Variants in GPD2 observed in about 807,000 individuals in gnomAD.
GPD2 encodes the protein glycerol-3-phosphate dehydrogenase, mitochondrial.
Under a neutral mutation model 82.4 loss-of-function variants are expected in GPD2, and 54 were observed. The ratio of observed to expected loss-of-function variants is 0.66; its 90% CI spans 0.53 to 0.82. GPD2 has a LOEUF of 0.82. GPD2 is among the 40% of genes least tolerant of loss of function. The probability of loss-of-function intolerance (pLI) is 0.00; values close to 1 mark genes in which losing one functional copy is unlikely to be tolerated. For missense variants in GPD2, 748 were observed against 896.2 expected (o/e 0.83, Z 2.11); for synonymous variants, 288 against 306.1 (o/e 0.94, Z 0.62).
the GPD2 span, among the ~76,000 whole-genome samples, chr2:156,426,222 C>T: frequency 6.6e-6 from 1 of 152,204 alleles, no homozygotes; most frequent in East Asian, 1.9e-4. Context: ...CACGCCCGGC[C>T]AAGTCTGGGT....
intron 1 of GPD2, among the ~76,000 whole-genome samples, chr2:156,443,912 G>A (rs1327961621): frequency 2.6e-5 from 4 of 152,314 alleles, no homozygotes; most frequent in South Asian, 2.1e-4. Context: ...TATCAAAGGC[G>A]TTGGATTCTA....
At chr2:156,441,523 C>A (rs546927646) in intron 1 of GPD2, among the ~76,000 whole-genome samples, 1 of 152,102 alleles carries the variant, frequency 6.6e-6, no homozygotes, top group Admixed American at 6.5e-5. Flanking sequence ...AGTGCCACTA[C>A]GCTCCAGCCT....
In GPD2 at chr2:156,585,322, C is replaced by A. The variant is rs1688175536; in HGVS notation, c.*2404C>A. The stretch of plus-strand genomic sequence containing the variant: ...CATATAAACTTGACATCAGTTGATT[C>A]TGTTGGGGTCGGGGTGGGTATGCAG... On this transcript the variant is annotated 3_prime_UTR_variant, in exon 17 of 17. Coordinates refer to ENST00000438166, the MANE Select transcript of GPD2 (RefSeq NM_000408.5). 6.6e-6 allele frequency: 1 copy of A among 152,152 alleles called. No individual in the cohort carries two copies. The highest frequency in any genetic ancestry group is 2.4e-5 in the African/African-American group (1 of 41,328). The allele number at this position is 152,152 out of a possible 1,614,324, so 9.4% of individuals were successfully genotyped here.
chr2:156,531,616 C>T (rs1372929121), intron 6 of GPD2, among the ~76,000 whole-genome samples: 1 of 152,224 alleles, frequency 6.6e-6, no homozygotes, highest in Non-Finnish European at 1.5e-5. Context: ...GTGGAGGCCA[C>T]GAGTGGCCCA....
upstream of GPD2, among the ~76,000 whole-genome samples, chr2:156,432,733 A>C (rs1688331604): frequency 6.6e-6 from 1 of 152,160 alleles, no homozygotes; most frequent in Non-Finnish European, 1.5e-5. Flanking sequence ...TTTCCTATTT[A>C]TTTTATTCAA....
chr2:156,520,202 G>T (rs1359431673), intron 6 of GPD2, among the ~76,000 whole-genome samples: 1 of 152,154 alleles, frequency 6.6e-6, no homozygotes, highest in Admixed American at 6.5e-5. Flanking sequence ...CAGGATGGGG[G>T]TGTTGTGGGT....
the GPD2 span, among the ~76,000 whole-genome samples, chr2:156,402,436 A>G: frequency 6.6e-6 from 1 of 152,242 alleles, no homozygotes; most frequent in South Asian, 2.1e-4. Context: ...TCAGACTACA[A>G]TCCTAAATAA....
At position 156,582,831 on chromosome 2, in the gene GPD2, C is replaced by T; in HGVS notation, c.2097C>T (p.Ser699=). The change falls in exon 17 of 17, where the codon AGC becomes AGT. Residue 699 remains serine (S), a synonymous_variant. Coordinates refer to ENST00000438166, the MANE Select transcript of GPD2 (RefSeq NM_000408.5). The part of the protein sequence containing the change: ...SAIQKGRVSG[S]RLAILMKTAE... ...TTCAAAAAGGAAGGGTATCTGGAAG[C>T]CGGCTTGCTATACTAATGAAAACTG... 1.2e-6 allele frequency: 2 copies of T among 1,612,890 alleles called. No homozygotes were observed. The highest frequency in any genetic ancestry group is 1.1e-5 in the South Asian group (1 of 91,056).
chr2:156,556,546 G>A (rs975762183), intron 8 of GPD2, among the ~76,000 whole-genome samples: 4 of 152,104 alleles, frequency 2.6e-5, no homozygotes, highest in Non-Finnish European at 5.9e-5. Context: ...TTTATTATTT[G>A]ATTTTAGAAT....
chr2:156,574,227 C>A (rs1350346107), intron 13 of GPD2, among the ~76,000 whole-genome samples: 4 of 148,732 alleles, frequency 2.7e-5, no homozygotes, highest in Non-Finnish European at 4.5e-5. Context: ...AAAAAAAAAA[C>A]ATTGCCAAAT....
At position 156,549,691 on chromosome 2, in the gene GPD2, G is replaced by C. The variant is rs1250662732; in HGVS notation, c.745G>C (p.Val249Leu). The C allele has an allele frequency of 6.2e-7, 1 of 1,613,806 alleles. No individual in the cohort carries two copies. The highest frequency in any genetic ancestry group is 1.3e-5 in the African/African-American group (1 of 74,944). Residue 249 changes from valine (V) to leucine (L), a missense_variant, in exon 7 of 17, where the codon GTA (valine) becomes CTA (leucine). By Grantham distance (32) the Val-to-Leu change is conservative. This residue lies in a region of GPD2 where 692 missense variants were observed against 809.7 expected (regional missense o/e 0.85). Transcript: ENST00000438166. ...GGCTGCCACAGCCAATTACATGGAG[G>C]TAGTGAGCTTGCTCAAGAAGACAGA... ...YGAATANYMEVVSLLKKTDPQ... is the reference protein window; with the variant it reads ...YGAATANYMELVSLLKKTDPQ...
At chr2:156,557,679 A>G in intron 9 of GPD2, 97 bp downstream of exon 9, 1 of 770,768 alleles carries the variant, frequency 1.3e-6, no homozygotes, top group Non-Finnish European at 2.3e-6. Context: ...AGTCTGACTC[A>G]TCTTCACACT....
At position 156,459,686 on chromosome 2, in the gene GPD2, C is replaced by CAAAAAAAAAAAAAAAA. The variant is rs564494059; in HGVS notation, c.-8-16404_-8-16389dup. On this transcript the variant is annotated intron_variant, in intron 1 of 16. Transcript: ENST00000438166. ...CTGGCGACAGAGCAAGACTCCGTCT[C>CAAAAAAAAAAAAAAAA]AAAAAAAAAAAAAAAAAAAAAAAGA... 4.9e-3 allele frequency among the ~76,000 whole-genome samples: 188 copies of CAAAAAAAAAAAAAAAA among 38,682 alleles called. 7 individuals are homozygous for CAAAAAAAAAAAAAAAA. Among genetic ancestry groups the CAAAAAAAAAAAAAAAA allele is most frequent in the East Asian group, 0.01 (7 of 682 alleles). The allele number at this position is 38,682 out of a possible 152,430, so 25.4% of individuals were successfully genotyped here.
At chr2:156,473,107 C>T (rs1683387917) in intron 1 of GPD2, among the ~76,000 whole-genome samples, 1 of 152,134 alleles carries the variant, frequency 6.6e-6, no homozygotes, top group Admixed American at 6.5e-5. Context: ...TGATTCTTGC[C>T]TTTGACTTTG....
chr2:156,463,007 A>G (rs1683042423), intron 1 of GPD2, among the ~76,000 whole-genome samples: 2 of 152,354 alleles, frequency 1.3e-5, no homozygotes, highest in Non-Finnish European at 2.9e-5. Context: ...AGGGAAGATT[A>G]TCATCAGCCT....
At chr2:156,533,064 A>G (rs948907544) in intron 6 of GPD2, among the ~76,000 whole-genome samples, 2 of 152,196 alleles carry the variant, frequency 1.3e-5, no homozygotes, top group East Asian at 1.9e-4. Flanking sequence ...CACCCTTCAC[A>G]AGACGGGAAG....
the GPD2 span, among the ~76,000 whole-genome samples, chr2:156,401,207 A>G: frequency 3.3e-5 from 5 of 152,164 alleles, no homozygotes; most frequent in Non-Finnish European, 7.4e-5. Context: ...CTACCACTGA[A>G]CCACCAATGC....
At chr2:156,453,903 A>G (rs543488588) in intron 1 of GPD2, among the ~76,000 whole-genome samples, 1 of 152,294 alleles carries the variant, frequency 6.6e-6, no homozygotes, top group African/African-American at 2.4e-5. Context: ...ACAAAAAAGA[A>G]AACTGCAATG....
rs139764876 is a variant in GPD2, at chr2:156,532,699, G to A, written c.662-16909G>A. 8.0e-3 allele frequency among the ~76,000 whole-genome samples: 1,223 copies of A among 152,292 alleles called. 5 individuals carry two copies. Among genetic ancestry groups the A allele is most frequent in the Non-Finnish European group, 0.012 (800 of 68,022 alleles). On this transcript the variant is annotated intron_variant, in intron 6 of 16. Transcript: ENST00000438166. Reference sequence around the variant, plus strand: ...GGAGGGCACTGCCACCCAGAAACTGGATGAAACCAAGTCAGAAATTCTGAG... The same window carrying A: ...GGAGGGCACTGCCACCCAGAAACTGAATGAAACCAAGTCAGAAATTCTGAG...
Sources: allele counts gnomAD v4.1 joint callset (sites outside exome capture counted in the v4.1 genomes callset), GRCh38; gene constraint gnomAD v4.1.1; regional missense constraint gnomAD v4.1.1; transcripts MANE v1.5; gene names NCBI Gene and HGNC (gene_info 2026-07-23, HGNC 2026-07-21).